Variants in SRSF4 observed in about 807,000 individuals in gnomAD.
The protein encoded by SRSF4 is serine and arginine rich splicing factor 4.
SRSF4 carries 12 observed loss-of-function variants against 48.8 expected under a neutral mutation model. The ratio of observed to expected loss-of-function variants is 0.25; its 90% CI spans 0.16 to 0.40. The LOEUF is 0.40. SRSF4 is among the 10% of genes least tolerant of loss of function. The pLI is 1.00. For synonymous variants in SRSF4, 248 were observed against 232.5 expected, an observed-to-expected ratio of 1.07 and a Z score of -0.61; for missense variants, 466 against 667.1, an observed-to-expected ratio of 0.70 and a Z score of 3.32.
rs150486164 is a variant in SRSF4 at position 29,157,856 on chromosome 1, T to C, written c.363+1518A>G. 9.9e-5 allele frequency among the ~76,000 whole-genome samples: 15 copies of C among 152,250 alleles called. No individual in the cohort carries two copies. In the East Asian group the frequency reaches 2.1e-3, roughly 22 times the overall value. ...ACTGCTCAGTAAGTTTTTCTTCCTA[T>C]TGAGATTAAAAACACTGTTGTCAAT... On this transcript the variant is annotated intron_variant, in intron 3 of 5. Coordinates refer to ENST00000373795, the MANE Select transcript of SRSF4 (RefSeq NM_005626.5).
At chr1:29,160,354 G>C (rs1490112295) in intron 2 of SRSF4, 21 bp downstream of exon 2, 8 of 1,599,194 alleles carry the variant, frequency 5.0e-6, no homozygotes, top group Non-Finnish European at 6.8e-6. Flanking sequence ...ACTGATAAAA[G>C]TATGCCCTTT....
chr1:29,157,600 T>G (rs1672519706), intron 3 of SRSF4, among the ~76,000 whole-genome samples: 1 of 152,168 alleles, frequency 6.6e-6, no homozygotes, highest in African/African-American at 2.4e-5. Context: ...CCAGCTCTTC[T>G]GCATGTTACT....
At chr1:29,180,488 C>T (rs1227219616) in intron 1 of SRSF4, among the ~76,000 whole-genome samples, 3 of 152,182 alleles carry the variant, frequency 2.0e-5, no homozygotes, top group African/African-American at 7.2e-5. Context: ...ACGGTAGCTA[C>T]CAGTTTTCTC....
intron 1 of SRSF4, among the ~76,000 whole-genome samples, chr1:29,173,814 G>A (rs1672789683): frequency 6.6e-6 from 1 of 151,794 alleles, no homozygotes; most frequent in Non-Finnish European, 1.5e-5. Context: ...GCTGCCAAAT[G>A]ATTTCCTCAT....
At position 29,152,371 on chromosome 1, in the gene SRSF4, C is replaced by T. The variant is rs1672424673; in HGVS notation, c.579-2179G>A. 2.6e-5 allele frequency among the ~76,000 whole-genome samples: 4 copies of T among 152,086 alleles called. No homozygotes were observed. The South Asian group carries it at 6.2e-4, about 24-fold the overall frequency. ...GTGGGAGGTGCAATTCAGAGTTCTC[C>T]AATGCTTCATATATAAATTTCAAAT... On this transcript the variant is annotated intron_variant, in intron 4 of 5. Coordinates refer to ENST00000373795, the MANE Select transcript of SRSF4 (RefSeq NM_005626.5).
chr1:29,181,779 C>G lies in SRSF4; in HGVS notation c.-27G>C, dbSNP rs770578030. 26 of 1,546,090 alleles carry G rather than the reference C, an allele frequency of 1.7e-5. No homozygotes were observed. The highest frequency in any genetic ancestry group is 2.2e-5 in the Non-Finnish European group (25 of 1,151,248). On this transcript the variant is annotated 5_prime_UTR_variant, in exon 1 of 6. Coordinates refer to ENST00000373795, the MANE Select transcript of SRSF4 (RefSeq NM_005626.5). ...CCGGCAACGGCAGTGATGGCTGGCC[C>G]CGGCCCCAGCCCCCCTTAGGCGGCG...
At chr1:29,149,855 CCT>C (rs1413057595) in intron 5 of SRSF4, among the ~76,000 whole-genome samples, 3 of 151,456 alleles carry the variant, frequency 2.0e-5, no homozygotes, top group Non-Finnish European at 4.4e-5. Context: ...ATAGTGAGAC[CCT>C]GTCTCTAAAA....
intron 1 of SRSF4, among the ~76,000 whole-genome samples, chr1:29,181,052 G>A (rs1672947413): frequency 6.6e-6 from 1 of 152,166 alleles, no homozygotes; most frequent in South Asian, 2.1e-4. Context: ...CAGAGGGAAC[G>A]GTGAAGGCTT....
chr1:29,156,332 G>A (rs946646259), intron 3 of SRSF4, among the ~76,000 whole-genome samples: 1 of 143,256 alleles, frequency 7.0e-6, no homozygotes, highest in Non-Finnish European at 1.5e-5. Context: ...TAGCCCAGGC[G>A]ACAGAGCAAG....
rs756224974 is a variant in SRSF4, at chr1:29,160,543, G to C, written c.108-26C>G. ...CTAGAAGAGAGCAAAGAAAATACTG[G>C]TTGGTACCATTTTGACATCCAGCTT... On this transcript the variant is annotated intron_variant, in intron 1 of 5. Coordinates refer to ENST00000373795, the MANE Select transcript of SRSF4 (RefSeq NM_005626.5). 6.3e-6 allele frequency: 10 copies of C among 1,575,440 alleles called. No homozygotes were observed. The East Asian group carries it at 2.1e-4, about 34-fold the overall frequency.
At chr1:29,157,518 G>T (rs1672518777) in intron 3 of SRSF4, among the ~76,000 whole-genome samples, 1 of 152,084 alleles carries the variant, frequency 6.6e-6, no homozygotes, top group African/African-American at 2.4e-5. Flanking sequence ...TTCAGTAAAG[G>T]TCTGCTACGG....
At chr1:29,179,578 G>C (rs1408420741) in intron 1 of SRSF4, among the ~76,000 whole-genome samples, 1 of 152,028 alleles carries the variant, frequency 6.6e-6, no homozygotes, top group Non-Finnish European at 1.5e-5. Flanking sequence ...CAAACTCCTG[G>C]CCTGAAGTAA....
intron 3 of SRSF4, among the ~76,000 whole-genome samples, chr1:29,156,824 TGGGGGCCA>T (rs1437433526): frequency 6.6e-6 from 1 of 151,658 alleles, no homozygotes; most frequent in Non-Finnish European, 1.5e-5. Flanking sequence ...GCATAAAGAG[TGGGGGCCA>T]GGGGGCCAAT....
At chr1:29,180,345 TAGAAA>T (rs1244822054) in intron 1 of SRSF4, among the ~76,000 whole-genome samples, 5 of 152,246 alleles carry the variant, frequency 3.3e-5, no homozygotes, top group Admixed American at 1.3e-4. Context: ...CGTTTTACTG[TAGAAA>T]AGGAGTAGTT....
chr1:29,161,994 AAC>A (rs1306414275), intron 1 of SRSF4, among the ~76,000 whole-genome samples: 1 of 152,222 alleles, frequency 6.6e-6, no homozygotes, highest in Non-Finnish European at 1.5e-5. Context: ...CCTTTCATAC[AAC>A]AGTCTCTCAA....
chr1:29,165,276 T>C lies in SRSF4; in HGVS notation c.108-4759A>G, dbSNP rs1672655356. On this transcript the variant is annotated intron_variant, in intron 1 of 5. Transcript: ENST00000373795. ...GAATTACATGGGCTGCTCTAAACTT[T>C]AGTCCATTCTTATCCCATTGCCAAT... 2.0e-5 allele frequency among the ~76,000 whole-genome samples: 3 copies of C among 152,230 alleles called. No individual in the cohort carries two copies. The South Asian group carries it at 6.2e-4, about 32-fold the overall frequency.
intron 1 of SRSF4, chr1:29,170,607 A>G (rs1426871041): frequency 3.9e-5 from 6 of 152,170 alleles, no homozygotes; most frequent in Non-Finnish European, 8.8e-5. Context: ...TTTATTAATT[A>G]GTGGATGCCA....
chr1:29,175,892 G>A (rs12738122), intron 1 of SRSF4, among the ~76,000 whole-genome samples: 2 of 151,768 alleles, frequency 1.3e-5, no homozygotes, highest in African/African-American at 4.8e-5. Flanking sequence ...TCTTAACATA[G>A]ACTCTAATGC....
At chr1:29,160,286 G>C (rs547363950) in intron 2 of SRSF4, 89 bp downstream of exon 2, 1 of 1,403,100 alleles carries the variant, frequency 7.1e-7, no homozygotes, top group Non-Finnish European at 9.5e-7. Context: ...ACATCAATAC[G>C]TTTAAATGTA....
Sources: allele counts gnomAD v4.1 joint callset (sites outside exome capture counted in the v4.1 genomes callset), GRCh38; gene constraint gnomAD v4.1.1; transcripts MANE v1.5; gene names NCBI Gene and HGNC (gene_info 2026-07-23, HGNC 2026-07-21).